LUC7L2: variants seen among roughly 807,000 people sequenced by gnomAD.
The protein encoded by LUC7L2 is putative RNA-binding protein Luc7-like 2.
A neutral mutation model predicts 52.8 loss-of-function variants in LUC7L2; 25 were observed. That is an observed-to-expected ratio of 0.47 (90% CI 0.34 to 0.66). The LOEUF is 0.66. Among genes scored for constraint, LUC7L2 ranks in the 30% least tolerant of loss-of-function variants. The pLI is 0.01. For missense variants in LUC7L2, 328 were observed against 497.8 expected (o/e 0.66, Z 3.25); for synonymous variants, 144 against 160.9 (o/e 0.89, Z 0.80).
chr7:139,410,003 C>T (rs906798583), intron 7 of LUC7L2, among the ~76,000 whole-genome samples: 4 of 151,988 alleles, frequency 2.6e-5, no homozygotes, highest in Non-Finnish European at 4.4e-5. Flanking sequence ...GTCAGGAGAT[C>T]GAGACCATCC....
Position 139,375,915 on chromosome 7 carries a change from A to C in LUC7L2, c.62-147A>C, listed in dbSNP as rs1585088930. 3 of 724,742 alleles carry C rather than the reference A, an allele frequency of 4.1e-6. No homozygotes were observed. The East Asian group carries it at 8.4e-5, about 20-fold the overall frequency. 44.9% of individuals were successfully genotyped at this position (724,742 alleles called of 1,614,324 possible). ...GCATGTTGTCTAAAATAGTTTTTCT[A>C]TAGGATGTATATAAAAACTAATCCC... On this transcript the variant is annotated intron_variant, in intron 1 of 9. Coordinates refer to ENST00000354926, the MANE Select transcript of LUC7L2 (RefSeq NM_016019.5).
At chr7:139,382,246 A>G (rs534634503) in intron 2 of LUC7L2, among the ~76,000 whole-genome samples, 8 of 152,098 alleles carry the variant, frequency 5.3e-5, no homozygotes, top group Non-Finnish European at 1.0e-4. Flanking sequence ...GCAGGTCTCA[A>G]ACTCTTGACC....
At chr7:139,407,669 T>A (rs1209655383) in intron 6 of LUC7L2, among the ~76,000 whole-genome samples, 1 of 151,840 alleles carries the variant, frequency 6.6e-6, no homozygotes, top group East Asian at 1.9e-4. Flanking sequence ...TCAATAAGAA[T>A]GTAATAATAT....
Position 139,422,311 on chromosome 7 carries a change from T to G in LUC7L2, c.1150T>G (p.Ser384Ala), listed in dbSNP as rs746246204. ...ANGRSEDRRS[S>A]EEREAGEI ...TGGCAGATCAGAAGACAGGAGGAGC[T>G]CTGAAGAGCGCGAAGCAGGGGAGAT... The change falls in exon 10 of 10, where the codon TCT (serine) becomes GCT (alanine). Residue 384 changes from serine (S) to alanine (A), a missense_variant. Ser to Ala is a moderately conservative substitution (Grantham distance 99, BLOSUM62 1). Around this residue, in one of 2 missense-constraint regions of LUC7L2, gnomAD observed 195 missense variants for 223.3 expected, o/e 0.87. Coordinates refer to ENST00000354926, the MANE Select transcript of LUC7L2 (RefSeq NM_016019.5). The G allele has an allele frequency of 6.2e-7, 1 of 1,613,270 alleles. No homozygotes were observed. Among genetic ancestry groups the G allele is most frequent in the African/African-American group, 1.3e-5 (1 of 74,846 alleles).
Position 139,423,085 on chromosome 7 carries a change from G to T in LUC7L2, c.*745G>T, listed in dbSNP as rs1177142567. On this transcript the variant is annotated 3_prime_UTR_variant, in exon 10 of 10. Transcript: ENST00000354926. ...AATAAGCACTTGTTTTATTTTGTGTGTGTGGAGTATAAAGGCTACACCCTT... is the reference window on the plus strand; with the variant it reads ...AATAAGCACTTGTTTTATTTTGTGTTTGTGGAGTATAAAGGCTACACCCTT... 5.0e-6 allele frequency: 2 copies of T among 398,822 alleles called. No homozygotes were observed. The highest frequency in any genetic ancestry group is 8.8e-6 in the Non-Finnish European group (2 of 226,072). The allele number at this position is 398,822 out of a possible 1,614,324, so 24.7% of individuals were successfully genotyped here. A position where few individuals can be genotyped will look rare whatever the true frequency, so the allele number is the denominator to read the frequency against.
chr7:139,393,483 ACT>A (rs1287047156), intron 2 of LUC7L2, among the ~76,000 whole-genome samples: 2 of 151,892 alleles, frequency 1.3e-5, no homozygotes. Context: ...ACAGAGTCTT[ACT>A]CTGTTTCCCG....
intron 1 of LUC7L2, chr7:139,374,919 A>G: frequency 1.0e-6 from 1 of 991,876 alleles, no homozygotes; most frequent in Non-Finnish European, 1.2e-6. Context: ...CACATCCTAC[A>G]CGAAAGTTTT....
At chr7:139,383,817 T>C (rs1013403476) in intron 2 of LUC7L2, among the ~76,000 whole-genome samples, 8 of 147,452 alleles carry the variant, frequency 5.4e-5, no homozygotes, top group African/African-American at 2.1e-4. Flanking sequence ...CACTGCAACC[T>C]CCGCCTCCTG....
chr7:139,409,686 G>C (rs377401928), intron 7 of LUC7L2, 32 bp downstream of exon 7: 1 of 1,562,570 alleles, frequency 6.4e-7, no homozygotes, highest in Non-Finnish European at 8.6e-7. Flanking sequence ...AATTGAAGTT[G>C]AATCTCTGTG....
chr7:139,372,154 A>G (rs1800483281), intron 1 of LUC7L2, among the ~76,000 whole-genome samples: 1 of 152,206 alleles, frequency 6.6e-6, no homozygotes, highest in South Asian at 2.1e-4. Flanking sequence ...TAGAGGTTAT[A>G]GGACAGAGAG....
At chr7:139,362,486 A>G (rs182118536) in intron 1 of LUC7L2, among the ~76,000 whole-genome samples, 30 of 152,260 alleles carry the variant, frequency 2.0e-4, no homozygotes, top group Non-Finnish European at 3.8e-4. Flanking sequence ...TTTAATGGGA[A>G]CCCTTGTATT....
At position 139,422,433 on chromosome 7, in the gene LUC7L2, C is replaced by T. The variant is rs1257404111; in HGVS notation, c.*93C>T. 6.7e-7 allele frequency: 1 copy of T among 1,495,906 alleles called. No individual in the cohort carries two copies. Among genetic ancestry groups the T allele is most frequent in the Non-Finnish European group, 8.9e-7 (1 of 1,124,516 alleles). 92.7% of individuals were successfully genotyped at this position (1,495,906 alleles called of 1,614,324 possible). ...CTGTTCAGGGTGACAGTGAGCAGAT[C>T]CAGACACCAGATCCAGCTAGGCTAG... On this transcript the variant is annotated 3_prime_UTR_variant, in exon 10 of 10. Transcript: ENST00000354926.
At chr7:139,374,972 T>A (rs1043414802) in intron 1 of LUC7L2, 2 of 986,132 alleles carry the variant, frequency 2.0e-6, no homozygotes, top group African/African-American at 3.5e-5. Flanking sequence ...GAGGTATTTA[T>A]ATCTCTTTTG....
At chr7:139,375,802 T>C in intron 1 of LUC7L2, 1 of 357,966 alleles carries the variant, frequency 2.8e-6, no homozygotes, top group Non-Finnish European at 4.7e-6. Context: ...TAAAATCCTA[T>C]GCTTTTCTGA....
chr7:139,404,506 C>G (rs2131288431), intron 4 of LUC7L2, among the ~76,000 whole-genome samples: 1 of 152,322 alleles, frequency 6.6e-6, no homozygotes, highest in South Asian at 2.1e-4. Flanking sequence ...AAGACTCCAT[C>G]TCAAAAACAA....
At chr7:139,413,611 C>G (rs1322626443) in intron 8 of LUC7L2, among the ~76,000 whole-genome samples, 2 of 152,126 alleles carry the variant, frequency 1.3e-5, no homozygotes, top group Non-Finnish European at 1.5e-5. Context: ...AACTCCATCT[C>G]TACTAAAAAC....
Position 139,417,666 on chromosome 7 carries a change from G to A in LUC7L2, c.938G>A (p.Ser313Asn). ...TCCCGCTCCAGCAGCCGTAGCCGCA[G>A]CCGTAGCCACCAGAGAAGTCGGCAC... The part of the protein sequence containing the change: ...HRSRSSSRSR[S>N]RSHQRSRHSS... The change falls in exon 9 of 10, where the codon AGC (serine) becomes AAC (asparagine). Residue 313 changes from serine (S) to asparagine (N), a missense_variant. By Grantham distance (46) the Ser-to-Asn change is conservative. Around this residue, in one of 2 missense-constraint regions of LUC7L2, gnomAD observed 195 missense variants for 223.3 expected, o/e 0.87. Coordinates refer to ENST00000354926, the MANE Select transcript of LUC7L2 (RefSeq NM_016019.5). The A allele has an allele frequency of 6.2e-7, 1 of 1,614,188 alleles. No individual in the cohort carries two copies. The highest frequency in any genetic ancestry group is 8.5e-7 in the Non-Finnish European group (1 of 1,180,042).
intron 8 of LUC7L2, among the ~76,000 whole-genome samples, chr7:139,415,810 CTCTT>C (rs1795570859): frequency 6.6e-6 from 1 of 151,740 alleles, no homozygotes; most frequent in African/African-American, 2.4e-5. Context: ...GCCAGAAATA[CTCTT>C]TTTAAGTGTG....
At chr7:139,382,934 C>T (rs1389631214) in intron 2 of LUC7L2, among the ~76,000 whole-genome samples, 1 of 145,268 alleles carries the variant, frequency 6.9e-6, no homozygotes, top group Non-Finnish European at 1.5e-5. Context: ...GCTGAAGTAT[C>T]TTTTTTTTTT....
Sources: gnomAD v4.1 joint callset for allele counts (sites outside exome capture counted in the v4.1 genomes callset) on GRCh38, gnomAD v4.1.1 for gene constraint, gnomAD v4.1.1 regional missense constraint, MANE v1.5 for transcripts, NCBI Gene and HGNC (gene_info 2026-07-23, HGNC 2026-07-21) for gene names.